ATL1: variants seen among roughly 807,000 people sequenced by gnomAD.
ATL1 encodes the protein atlastin GTPase 1.
Under a neutral mutation model 75.5 loss-of-function variants are expected in ATL1, and 31 were observed. That is an observed-to-expected ratio of 0.41 (90% confidence interval 0.31 to 0.55). ATL1 has a LOEUF of 0.55. Among genes scored for constraint, ATL1 ranks in the 20% least tolerant of loss-of-function variants. ATL1 has a pLI of 0.27. For missense variants in ATL1, 405 were observed against 662.6 expected (o/e 0.61, Z 4.27); for synonymous variants, 226 against 233.3 (o/e 0.97, Z 0.28).
intron 4 of ATL1, 62 bp from the exon 5 acceptor site, chr14:50,593,784 T>G: frequency 9.3e-7 from 1 of 1,072,448 alleles, no homozygotes; most frequent in Non-Finnish European, 1.4e-6. Flanking sequence ...TAGGGAATGA[T>G]GAAGTAAGTG....
intron 1 of ATL1, among the ~76,000 whole-genome samples, chr14:50,565,801 T>G (rs977012388): frequency 2.0e-5 from 3 of 152,144 alleles, no homozygotes; most frequent in African/African-American, 7.2e-5. Context: ...AAAAAAAGAT[T>G]TTAGATTTGG....
At chr14:50,588,301 A>G (rs891212437) in intron 2 of ATL1, among the ~76,000 whole-genome samples, 1 of 152,210 alleles carries the variant, frequency 6.6e-6, no homozygotes, top group Admixed American at 6.5e-5. Context: ...CCCTTAGAAT[A>G]TAACTTATAT....
chr14:50,560,484 C>G, intron 1 of ATL1, 185 bp downstream of exon 1: 1 of 758,596 alleles, frequency 1.3e-6, no homozygotes, highest in Non-Finnish European at 2.2e-6. Context: ...CCCGCGTCAC[C>G]GAATCGCGCT....
At chr14:50,632,207 A>G (rs1318519565) in intron 13 of ATL1, 22 bp from the exon 14 acceptor site, 2 of 1,558,182 alleles carry the variant, frequency 1.3e-6, no homozygotes, top group Non-Finnish European at 1.8e-6. Flanking sequence ...AATGTTTTAT[A>G]ATTTTGATGC....
chr14:50,621,363 C>A (rs2039465367), intron 9 of ATL1, among the ~76,000 whole-genome samples: 1 of 152,138 alleles, frequency 6.6e-6, no homozygotes, highest in Non-Finnish European at 1.5e-5. Flanking sequence ...CATATAGGTT[C>A]TGTGTGATCT....
intron 11 of ATL1, among the ~76,000 whole-genome samples, chr14:50,626,409 A>G (rs2039520819): frequency 6.6e-6 from 1 of 152,236 alleles, no homozygotes; most frequent in Non-Finnish European, 1.5e-5. Flanking sequence ...AGAGGGGTCC[A>G]AGACTTCAGT....
At chr14:50,542,006 C>CAAAAAA (rs59075218) in intron 1 of ATL1, among the ~76,000 whole-genome samples, 5 of 62,478 alleles carry the variant, frequency 8.0e-5, no homozygotes, top group Admixed American at 2.2e-4. Context: ...GATTCCGTCT[C>CAAAAAA]AAAAAAAAAA....
At chr14:50,580,922 T>C (rs71420192) in intron 1 of ATL1, among the ~76,000 whole-genome samples, 1 of 152,048 alleles carries the variant, frequency 6.6e-6, no homozygotes, top group Non-Finnish European at 1.5e-5. Context: ...GTGGTTTTTT[T>C]ATAAGTGATA....
At chr14:50,554,704 T>G (rs970748692) in intron 1 of ATL1, among the ~76,000 whole-genome samples, 3 of 152,126 alleles carry the variant, frequency 2.0e-5, no homozygotes, top group African/African-American at 7.2e-5. Context: ...TACAGAAAAT[T>G]TGTTTAAAAG....
At chr14:50,556,566 T>C (rs2140167818), upstream of ATL1, among the ~76,000 whole-genome samples, 1 of 152,318 alleles carries the variant, frequency 6.6e-6, no homozygotes, top group African/African-American at 2.4e-5. Context: ...GTTGATTTCA[T>C]GATGAATTCT....
intron 6 of ATL1, among the ~76,000 whole-genome samples, chr14:50,598,934 G>A (rs2039246585): frequency 6.6e-6 from 1 of 152,134 alleles, no homozygotes; most frequent in South Asian, 2.1e-4. Context: ...TACTGTAATA[G>A]AAGTAATCTC....
At chr14:50,545,859 C>T (rs2038624857) in intron 1 of ATL1, among the ~76,000 whole-genome samples, 1 of 152,206 alleles carries the variant, frequency 6.6e-6, no homozygotes, top group Non-Finnish European at 1.5e-5. Flanking sequence ...CATCCTTGTG[C>T]ACCTTTTTAA....
At chr14:50,620,083 C>T (rs1220166017) in intron 8 of ATL1, among the ~76,000 whole-genome samples, 1 of 152,056 alleles carries the variant, frequency 6.6e-6, no homozygotes, top group Non-Finnish European at 1.5e-5. Context: ...CATGGTGAAA[C>T]CCCTCCTCTA....
At chr14:50,587,090 C>A (rs1000093605) in intron 1 of ATL1, among the ~76,000 whole-genome samples, 5 of 152,050 alleles carry the variant, frequency 3.3e-5, no homozygotes, top group Non-Finnish European at 2.9e-5. Context: ...TGATTCTGAG[C>A]CCTTCTAGGT....
At chr14:50,569,958 CTT>C (rs1241278659) in intron 1 of ATL1, among the ~76,000 whole-genome samples, 1 of 152,110 alleles carries the variant, frequency 6.6e-6, no homozygotes, top group Non-Finnish European at 1.5e-5. Context: ...TCACTTCTCT[CTT>C]GTTGTTTTCA....
chr14:50,591,203 C>A, intron 3 of ATL1, 128 bp downstream of exon 3: 3 of 863,812 alleles, frequency 3.5e-6, no homozygotes, highest in Non-Finnish European at 3.6e-6. Flanking sequence ...AGTGGGGTAG[C>A]ATCCTATAGC....
intron 1 of ATL1, among the ~76,000 whole-genome samples, chr14:50,564,795 G>C (rs1490490870): frequency 1.3e-5 from 2 of 151,830 alleles, no homozygotes; most frequent in Non-Finnish European, 2.9e-5. Flanking sequence ...TGTTGAAAAG[G>C]CATTTGTGGA....
chr14:50,583,620 C>A (rs1039312718), intron 1 of ATL1, among the ~76,000 whole-genome samples: 9 of 152,278 alleles, frequency 5.9e-5, no homozygotes, highest in African/African-American at 1.9e-4. Flanking sequence ...GACTTAATAG[C>A]ATGAAGGTAC....
intron 1 of ATL1, among the ~76,000 whole-genome samples, chr14:50,587,151 T>A (rs75335532): frequency 6.6e-6 from 1 of 152,220 alleles, no homozygotes; most frequent in Non-Finnish European, 1.5e-5. Flanking sequence ...GGATCCTTTA[T>A]GTAAATAAGC....
Sources: gnomAD v4.1 joint callset for allele counts (sites outside exome capture counted in the v4.1 genomes callset) on GRCh38, gnomAD v4.1.1 for gene constraint, MANE v1.5 for transcripts, NCBI Gene and HGNC (gene_info 2026-07-23, HGNC 2026-07-21) for gene names.